AASDH: variants seen among roughly 807,000 people sequenced by gnomAD.
AASDH encodes beta-alanine-activating enzyme.
AASDH carries 81 observed loss-of-function variants against 102.3 expected under a neutral mutation model. The observed-to-expected ratio is 0.79, with a 90% CI of 0.66 to 0.95. The LOEUF (loss-of-function observed/expected upper bound fraction) is 0.95, where lower values mean the gene tolerates loss of function less well. Among genes scored for constraint, AASDH ranks in the 40% least tolerant of loss-of-function variants. The pLI is 0.00. For synonymous variants in AASDH, 398 were observed against 454.0 expected (o/e 0.88, Z 1.57); for missense variants, 1,203 against 1,266.2 (o/e 0.95, Z 0.76).
At chr4:56,356,057 C>A in intron 5 of AASDH, 1 of 513,568 alleles carries the variant, frequency 1.9e-6, no homozygotes, top group Non-Finnish European at 3.4e-6. Context: ...ATTTACCTTT[C>A]CTTTCTTACT....
chr4:56,361,068 C>G (rs991058008), intron 5 of AASDH, among the ~76,000 whole-genome samples: 5 of 152,040 alleles, frequency 3.3e-5, no homozygotes, highest in Non-Finnish European at 7.4e-5. Flanking sequence ...AGTATAATAT[C>G]AACTTTGAAC....
chr4:56,340,524 A>G (rs1179755557), intron 14 of AASDH, among the ~76,000 whole-genome samples: 3 of 152,164 alleles, frequency 2.0e-5, no homozygotes, highest in Non-Finnish European at 2.9e-5. Flanking sequence ...ATAAAAATAA[A>G]CTCGAGATGG....
rs772620598 is a variant in AASDH at position 56,378,436 on chromosome 4, A to G, written c.380T>C (p.Leu127Ser). ...TTCCACTGTAAATGTATCATAGTTC[A>G]ATAATGTTTCATGAAAAGATTTAAA... is the stretch of plus-strand genomic sequence containing the variant. ...NKFKSFHETL[L>S]NYDTFTVEHN... Residue 127 changes from leucine (L) to serine (S), a missense_variant, in exon 4 of 15, where the codon TTG becomes TCG. Coordinates refer to ENST00000205214, the MANE Select transcript of AASDH (RefSeq NM_181806.4). 4 of 1,601,456 alleles carry G rather than the reference A, an allele frequency of 2.5e-6. No homozygotes were observed. The highest frequency in any genetic ancestry group is 4.5e-5 in the East Asian group (2 of 44,812).
At chr4:56,369,888 C>T (rs1392249987) in intron 5 of AASDH, among the ~76,000 whole-genome samples, 3 of 148,714 alleles carry the variant, frequency 2.0e-5, no homozygotes, top group African/African-American at 5.0e-5. Context: ...TGCAGTGAGC[C>T]GAGGTCATAC....
intron 5 of AASDH, chr4:56,356,178 C>T (rs1749613878): frequency 4.2e-6 from 3 of 720,358 alleles, no homozygotes; most frequent in Non-Finnish European, 7.6e-6. Context: ...GCTCTGGCCC[C>T]TGCTGTTGTG....
intron 9 of AASDH, 133 bp from the exon 10 acceptor site, chr4:56,351,590 A>G: frequency 1.7e-6 from 1 of 573,930 alleles, no homozygotes; most frequent in Non-Finnish European, 3.0e-6. Flanking sequence ...GTTGTCAACA[A>G]TCAATTCTAA....
At chr4:56,373,200 C>A (rs990192550) in intron 4 of AASDH, among the ~76,000 whole-genome samples, 24 of 152,114 alleles carry the variant, frequency 1.6e-4, no homozygotes, top group Non-Finnish European at 2.9e-5. Flanking sequence ...AGTGCAGTGG[C>A]ATGATCTCGG....
At chr4:56,377,053 C>T (rs941888853) in intron 4 of AASDH, among the ~76,000 whole-genome samples, 2 of 132,184 alleles carry the variant, frequency 1.5e-5, no homozygotes, top group African/African-American at 2.8e-5. Context: ...GGCGACAGAG[C>T]GAGACTCCGT....
intron 4 of AASDH, among the ~76,000 whole-genome samples, chr4:56,374,646 C>G (rs919567580): frequency 2.6e-5 from 4 of 152,140 alleles, no homozygotes; most frequent in Non-Finnish European, 2.9e-5. Context: ...TTCCTATGAA[C>G]AAATAAATTT....
chr4:56,343,711 G>A (rs754974103), intron 12 of AASDH, 27 bp from the exon 13 acceptor site: 1 of 1,591,374 alleles, frequency 6.3e-7, no homozygotes, highest in East Asian at 2.3e-5. Context: ...AAATTAATTT[G>A]TTCTTGTTGA....
chr4:56,356,749 G>A, intron 5 of AASDH: 2 of 722,610 alleles, frequency 2.8e-6, no homozygotes, highest in Non-Finnish European at 5.1e-6. Flanking sequence ...CTTCACACAG[G>A]TTAACTTGGA....
chr4:56,360,338 G>C (rs115004604), intron 5 of AASDH, among the ~76,000 whole-genome samples: 2,415 of 152,236 alleles, frequency 0.016, 72 homozygotes, highest in African/African-American at 0.055. Context: ...TCTCAGGCTA[G>C]GGAGCTGTAG....
rs760446793 is a variant in AASDH, at chr4:56,350,065, A to G, written c.1693-7T>C. ...CTGGGAGATTCAGAGTAGACTACAG[A>G]TGAGAGAATAGAGAAATATGTGACG... On this transcript the variant is annotated splice_polypyrimidine_tract_variant and splice_region_variant and intron_variant, in intron 10 of 14. Coordinates refer to ENST00000205214, the MANE Select transcript of AASDH (RefSeq NM_181806.4). The G allele has an allele frequency of 4.5e-6, 7 of 1,560,214 alleles. No individual in the cohort carries two copies. The highest frequency in any genetic ancestry group is 6.0e-6 in the Non-Finnish European group (7 of 1,166,006).
rs891823446 is a variant in AASDH at position 56,367,939 on chromosome 4, G to A, written c.861+3512C>T. Among the ~76,000 whole-genome samples the A allele has an allele frequency of 1.0e-3, 154 of 152,140 alleles. 1 individual carries two copies. The highest frequency in any genetic ancestry group is 3.6e-3 in the African/African-American group (151 of 41,496). On this transcript the variant is annotated intron_variant, in intron 5 of 14. Coordinates refer to ENST00000205214, the MANE Select transcript of AASDH (RefSeq NM_181806.4). ...CATCAGAGTGAACAGGCAACCTACAGAATGGGAGAAGATTTCTGCAACCTA... is the reference window on the plus strand; with the variant it reads ...CATCAGAGTGAACAGGCAACCTACAAAATGGGAGAAGATTTCTGCAACCTA...
chr4:56,353,863 A>G (rs1749272383), intron 8 of AASDH, among the ~76,000 whole-genome samples, 176 bp downstream of exon 8: 1 of 152,150 alleles, frequency 6.6e-6, no homozygotes, highest in Non-Finnish European at 1.5e-5. Flanking sequence ...AAGAATAACC[A>G]TCTCTTCATG....
At chr4:56,357,716 T>C (rs1749789623) in intron 5 of AASDH, among the ~76,000 whole-genome samples, 1 of 151,490 alleles carries the variant, frequency 6.6e-6, no homozygotes, top group Admixed American at 6.6e-5. Flanking sequence ...TAGCCTGTTT[T>C]GGCCTGCCTT....
intron 14 of AASDH, among the ~76,000 whole-genome samples, chr4:56,342,315 A>G (rs1369853342): frequency 6.6e-6 from 1 of 152,174 alleles, no homozygotes; most frequent in Non-Finnish European, 1.5e-5. Flanking sequence ...CCCAACACAT[A>G]GAAATAATAA....
rs571445436 is a variant in AASDH at position 56,354,164 on chromosome 4, G to A, written c.1258C>T (p.Leu420Phe). The A allele has an allele frequency of 1.2e-6, 2 of 1,609,312 alleles. No homozygotes were observed. The highest frequency in any genetic ancestry group is 8.5e-7 in the Non-Finnish European group (1 of 1,177,256). Residue 420 changes from leucine (L) to phenylalanine (F), a missense_variant, in exon 8 of 15, where the codon CTT (leucine) becomes TTT (phenylalanine). By Grantham distance (22) the Leu-to-Phe change is conservative (BLOSUM62 0). Transcript: ENST00000205214. Reference sequence around the variant, plus strand: ...TCTCCTGTAGCTCGCATTGTGCCAAGTGGTACTGTCACTTCATCATCAAGA... The same window carrying A: ...TCTCCTGTAGCTCGCATTGTGCCAAATGGTACTGTCACTTCATCATCAAGA... ...CFLDDEVTVP[L>F]GTMRATGDFV... is the part of the protein sequence containing the mutation.
At chr4:56,377,233 C>G (rs1270330653) in intron 4 of AASDH, among the ~76,000 whole-genome samples, 1 of 152,008 alleles carries the variant, frequency 6.6e-6, no homozygotes, top group Non-Finnish European at 1.5e-5. Flanking sequence ...CATGAGGTTT[C>G]TATTTCTGTT....
Sources: gnomAD v4.1 joint callset for allele counts (sites outside exome capture counted in the v4.1 genomes callset) on GRCh38, gnomAD v4.1.1 for gene constraint, MANE v1.5 for transcripts, NCBI Gene and HGNC (gene_info 2026-07-23, HGNC 2026-07-21) for gene names.